Variants in RAI14 observed in about 807,000 individuals in gnomAD.
The protein encoded by RAI14 is ankycorbin.
A neutral mutation model predicts 115.4 loss-of-function variants in RAI14; 45 were observed. That is an observed-to-expected ratio of 0.39 (90% CI 0.31 to 0.50). The LOEUF (loss-of-function observed/expected upper bound fraction) is 0.50. RAI14 is among the 20% of genes least tolerant of loss of function. The pLI is 0.85. For synonymous variants in RAI14, 371 were observed against 415.4 expected, an observed-to-expected ratio of 0.89 and a Z score of 1.30; for missense variants, 939 against 1,131.2, an observed-to-expected ratio of 0.83 and a Z score of 2.44.
intron 2 of RAI14, among the ~76,000 whole-genome samples, chr5:34,689,916 AAAATCT>A (rs1247675020): frequency 2.6e-5 from 4 of 152,158 alleles, no homozygotes; most frequent in African/African-American, 9.7e-5. Context: ...AAGAATGTCA[AAAATCT>A]TATGGCCTGG....
intron 2 of RAI14, among the ~76,000 whole-genome samples, chr5:34,717,854 A>T (rs771381264): frequency 2.7e-5 from 4 of 148,828 alleles, no homozygotes; most frequent in Non-Finnish European, 4.5e-5. Context: ...TTTCTCAGGG[A>T]GGGCAGTGAA....
intron 5 of RAI14, among the ~76,000 whole-genome samples, chr5:34,804,046 T>C (rs535992246): frequency 1.3e-5 from 2 of 152,322 alleles, no homozygotes; most frequent in African/African-American, 2.4e-5. Context: ...GGTTCCTTCT[T>C]TTCTTTGCTG....
At chr5:34,707,204 C>T (rs1209679577) in intron 2 of RAI14, among the ~76,000 whole-genome samples, 6 of 152,206 alleles carry the variant, frequency 3.9e-5, no homozygotes, top group Non-Finnish European at 7.3e-5. Context: ...CGGTGGCTCA[C>T]GCCTGTAATC....
chr5:34,734,053 C>T (rs1204285538), intron 2 of RAI14, among the ~76,000 whole-genome samples: 2 of 152,260 alleles, frequency 1.3e-5, no homozygotes, highest in Admixed American at 6.5e-5. Flanking sequence ...CACCGTGCCA[C>T]GCTTTTCTCT....
At chr5:34,782,202 AT>A in intron 3 of RAI14, among the ~76,000 whole-genome samples, 1 of 152,050 alleles carries the variant, frequency 6.6e-6, no homozygotes, top group Non-Finnish European at 1.5e-5. Context: ...TGCTGCAGAG[AT>A]TTTGTTTATG....
At chr5:34,792,202 G>A (rs373549953) in intron 3 of RAI14, among the ~76,000 whole-genome samples, 256 of 150,312 alleles carry the variant, frequency 1.7e-3, no homozygotes, top group African/African-American at 6.0e-3. Context: ...AAAATGATCA[G>A]TTTTTCCCTT....
At chr5:34,803,228 A>T (rs964989286) in intron 4 of RAI14, among the ~76,000 whole-genome samples, 1 of 152,156 alleles carries the variant, frequency 6.6e-6, no homozygotes, top group African/African-American at 2.4e-5. Flanking sequence ...GGCATGGGGG[A>T]TGCTCGATTC....
chr5:34,694,268 C>T (rs1418956706), intron 2 of RAI14, among the ~76,000 whole-genome samples: 1 of 152,204 alleles, frequency 6.6e-6, no homozygotes. Flanking sequence ...TTTAGTTTGA[C>T]AAATTCTTCT....
chr5:34,682,383 G>A (rs1041075258), intron 1 of RAI14, among the ~76,000 whole-genome samples: 1 of 150,476 alleles, frequency 6.6e-6, no homozygotes, highest in Non-Finnish European at 1.5e-5. Context: ...CCATTGTAAG[G>A]GTTTTTTTTT....
chr5:34,811,305 A>G (rs973632735), intron 8 of RAI14, among the ~76,000 whole-genome samples, 187 bp downstream of exon 8: 1 of 152,218 alleles, frequency 6.6e-6, no homozygotes, highest in Non-Finnish European at 1.5e-5. Context: ...TTCCCCAGAC[A>G]TCTGTGGACA....
At chr5:34,759,186 C>T (rs1748284471) in intron 3 of RAI14, among the ~76,000 whole-genome samples, 1 of 152,088 alleles carries the variant, frequency 6.6e-6, no homozygotes, top group Admixed American at 6.6e-5. Context: ...TTGCTTGAAC[C>T]TAGGAGGCGT....
chr5:34,821,768 A>T lies in RAI14; in HGVS notation c.1031A>T (p.Asp344Val). 1 of 1,612,362 alleles carries T rather than the reference A, an allele frequency of 6.2e-7. No individual in the cohort carries two copies. Among genetic ancestry groups the T allele is most frequent in the Non-Finnish European group, 8.5e-7 (1 of 1,178,814 alleles). The change falls in exon 14 of 18, where the codon GAC (aspartate) becomes GTC (valine). Residue 344 changes from aspartate to valine, a missense_variant. Transcript: ENST00000265109. ...DSLLDISSEADQQDLLSLLQA... is the reference protein window; with the variant it reads ...DSLLDISSEAVQQDLLSLLQA... Reference sequence around the variant, plus strand: ...TTATTGGATATAAGTTCTGAAGCTGACCAACAAGATCTTCTCTCTCTATTG... The same window carrying T: ...TTATTGGATATAAGTTCTGAAGCTGTCCAACAAGATCTTCTCTCTCTATTG...
chr5:34,693,298 T>TC (rs954696815), intron 2 of RAI14, among the ~76,000 whole-genome samples: 5 of 152,114 alleles, frequency 3.3e-5, no homozygotes, highest in African/African-American at 1.2e-4. Flanking sequence ...AGCCCTGGCA[T>TC]CCCCCCACTG....
chr5:34,718,365 C>T (rs1742249157), intron 2 of RAI14, among the ~76,000 whole-genome samples: 1 of 152,246 alleles, frequency 6.6e-6, no homozygotes, highest in African/African-American at 2.4e-5. Context: ...CCTGTTCTAA[C>T]ATACACAGAG....
At chr5:34,663,334 T>C (rs1172633199) in intron 1 of RAI14, among the ~76,000 whole-genome samples, 1 of 151,928 alleles carries the variant, frequency 6.6e-6, no homozygotes, top group Non-Finnish European at 1.5e-5. Flanking sequence ...TTGGGAAACA[T>C]GGCGAAACTT....
chr5:34,756,175 C>T (rs1190786113), intron 2 of RAI14, among the ~76,000 whole-genome samples: 1 of 152,178 alleles, frequency 6.6e-6, no homozygotes, highest in East Asian at 1.9e-4. Context: ...GTGACTGAGA[C>T]ATCTGATGGA....
At chr5:34,699,747 G>A (rs376178330) in intron 2 of RAI14, among the ~76,000 whole-genome samples, 4 of 152,162 alleles carry the variant, frequency 2.6e-5, no homozygotes, top group Admixed American at 6.5e-5. Context: ...CTCTGGGTGC[G>A]GAGCCAGTGT....
At chr5:34,675,561 T>G (rs1743918848) in intron 1 of RAI14, among the ~76,000 whole-genome samples, 2 of 152,294 alleles carry the variant, frequency 1.3e-5, no homozygotes, top group South Asian at 4.1e-4. Context: ...AAGACCAGCC[T>G]GGGCAACACA....
intron 2 of RAI14, among the ~76,000 whole-genome samples, chr5:34,699,792 CAGG>C (rs1185290296): frequency 6.6e-6 from 1 of 152,174 alleles, no homozygotes; most frequent in Non-Finnish European, 1.5e-5. Context: ...TGTTTGCTGT[CAGG>C]AGAACAAAAT....
Sources: allele counts gnomAD v4.1 joint callset (sites outside exome capture counted in the v4.1 genomes callset), GRCh38; gene constraint gnomAD v4.1.1; transcripts MANE v1.5; gene names NCBI Gene and HGNC (gene_info 2026-07-23, HGNC 2026-07-21).